GPC5: variants seen among roughly 807,000 people sequenced by gnomAD.
GPC5 encodes the protein glypican-5.
In GPC5, 47 loss-of-function variants were observed where a neutral mutation model predicts 53.9. The ratio of observed to expected loss-of-function variants is 0.87; its 90% CI spans 0.69 to 1.11. The LOEUF (loss-of-function observed/expected upper bound fraction) is 1.11, where lower values mean the gene tolerates loss of function less well. Among genes scored for constraint, GPC5 ranks in the 50% most tolerant of loss-of-function variants. The probability of loss-of-function intolerance (pLI) is 0.00; values close to 1 mark genes in which losing one functional copy is unlikely to be tolerated. For missense variants in GPC5, 748 were observed against 713.1 expected (o/e 1.05, Z -0.56); for synonymous variants, 286 against 263.3 (o/e 1.09, Z -0.84).
At chr13:91,919,122 T>G (rs1294490474) in intron 6 of GPC5, among the ~76,000 whole-genome samples, 1 of 152,162 alleles carries the variant, frequency 6.6e-6, no homozygotes, top group Non-Finnish European at 1.5e-5. Flanking sequence ...GGTGTCATCT[T>G]TAATTCTTCT....
intron 7 of GPC5, among the ~76,000 whole-genome samples, chr13:92,546,591 T>C (rs1214581953): frequency 1.3e-5 from 2 of 152,102 alleles, no homozygotes; most frequent in East Asian, 1.9e-4. Flanking sequence ...GGGCATACTG[T>C]CCAAGGTAAT....
chr13:92,177,698 T>G (rs1311562810), intron 7 of GPC5, among the ~76,000 whole-genome samples: 1 of 152,148 alleles, frequency 6.6e-6, no homozygotes, highest in Non-Finnish European at 1.5e-5. Context: ...CTGATAAATA[T>G]TTTTTGTGGT....
At chr13:92,759,301 G>T (rs529568874) in intron 7 of GPC5, among the ~76,000 whole-genome samples, 64 of 151,758 alleles carry the variant, frequency 4.2e-4, no homozygotes, top group African/African-American at 1.5e-3. Context: ...ATTTTGATAA[G>T]CATGGCATTG....
At chr13:91,550,656 C>A (rs569724889) in intron 2 of GPC5, among the ~76,000 whole-genome samples, 1 of 151,940 alleles carries the variant, frequency 6.6e-6, no homozygotes, top group Non-Finnish European at 1.5e-5. Flanking sequence ...AGTAGCGTGG[C>A]CTTGAATAAA....
chr13:91,959,071 C>T (rs9583971), intron 6 of GPC5, among the ~76,000 whole-genome samples: 2,291 of 130,748 alleles, frequency 0.018, 27 homozygotes, highest in African/African-American at 0.03. Flanking sequence ...CACACACACA[C>T]ACACACACAC....
intron 7 of GPC5, among the ~76,000 whole-genome samples, chr13:92,465,256 T>C (rs1878645596): frequency 6.6e-6 from 1 of 152,084 alleles, no homozygotes; most frequent in Non-Finnish European, 1.5e-5. Flanking sequence ...GCATACAATT[T>C]TTATAGCAAA....
At chr13:92,129,931 T>G (rs2041729566) in intron 6 of GPC5, among the ~76,000 whole-genome samples, 1 of 152,138 alleles carries the variant, frequency 6.6e-6, no homozygotes, top group African/African-American at 2.4e-5. Flanking sequence ...GTCAAAAATT[T>G]TGTAAAATTG....
chr13:92,797,213 T>G (rs1227012252), intron 7 of GPC5, among the ~76,000 whole-genome samples: 1 of 151,954 alleles, frequency 6.6e-6, no homozygotes, highest in Admixed American at 6.6e-5. Flanking sequence ...CTAATAATAA[T>G]GATGAATGTT....
chr13:92,627,810 A>G lies in GPC5; in HGVS notation c.1562-238472A>G, dbSNP rs1401528569. On this transcript the variant is annotated intron_variant, in intron 7 of 7. Coordinates refer to ENST00000377067, the MANE Select transcript of GPC5 (RefSeq NM_004466.6). ...TGAACATACAAATATATGTTCTCCT[A>G]TCTTTCTATCTTAATCAGTATATAT... 3.3e-5 allele frequency among the ~76,000 whole-genome samples: 5 copies of G among 152,158 alleles called. No homozygotes were observed. The East Asian group carries it at 9.7e-4, about 29-fold the overall frequency.
At chr13:92,256,516 A>G (rs2042727303) in intron 7 of GPC5, among the ~76,000 whole-genome samples, 1 of 152,086 alleles carries the variant, frequency 6.6e-6, no homozygotes, top group East Asian at 1.9e-4. Flanking sequence ...AATGAGTTCT[A>G]TCATTTACTT....
chr13:92,189,463 A>G (rs1033713183), intron 7 of GPC5, among the ~76,000 whole-genome samples: 1 of 152,098 alleles, frequency 6.6e-6, no homozygotes, highest in African/African-American at 2.4e-5. Context: ...GTTCAGGCTC[A>G]CTAAAAGACT....
intron 6 of GPC5, among the ~76,000 whole-genome samples, chr13:91,991,174 C>G (rs761139312): frequency 4.6e-5 from 7 of 152,178 alleles, no homozygotes; most frequent in Non-Finnish European, 8.8e-5. Context: ...CTATTTACCT[C>G]ATAGAATCAT....
At chr13:91,834,106 C>A (rs1027107480) in intron 5 of GPC5, among the ~76,000 whole-genome samples, 5 of 152,004 alleles carry the variant, frequency 3.3e-5, no homozygotes, top group Non-Finnish European at 7.4e-5. Flanking sequence ...AAATAACAAA[C>A]ACACAGAGAG....
chr13:92,712,416 G>A lies in GPC5; in HGVS notation c.1562-153866G>A, dbSNP rs182554717. Reference sequence around the variant, plus strand: ...ACCCAGGATGGTGACAAACTTAAATGTCAAAGGTAAAACCATAAGGACAAG... The same window carrying A: ...ACCCAGGATGGTGACAAACTTAAATATCAAAGGTAAAACCATAAGGACAAG... On this transcript the variant is annotated intron_variant, in intron 7 of 7. Coordinates refer to ENST00000377067, the MANE Select transcript of GPC5 (RefSeq NM_004466.6). Among the ~76,000 whole-genome samples, 9 of 151,022 alleles carry A rather than the reference G, an allele frequency of 6.0e-5. No individual in the cohort carries two copies. In the East Asian group the frequency reaches 1.8e-3, roughly 30 times the overall value.
At chr13:92,051,495 C>T (rs1003334275) in intron 6 of GPC5, among the ~76,000 whole-genome samples, 6 of 151,582 alleles carry the variant, frequency 4.0e-5, no homozygotes, top group Non-Finnish European at 5.9e-5. Flanking sequence ...CTACTGCACC[C>T]GGACGAGACT....
chr13:92,549,976 A>G (rs988146731), intron 7 of GPC5, among the ~76,000 whole-genome samples: 6 of 151,614 alleles, frequency 4.0e-5, no homozygotes, highest in Non-Finnish European at 7.4e-5. Context: ...GTAACATATA[A>G]TATTACTGAT....
intron 7 of GPC5, among the ~76,000 whole-genome samples, chr13:92,832,466 A>G (rs543086338): frequency 1.4e-4 from 21 of 152,290 alleles, no homozygotes; most frequent in Admixed American, 3.3e-4. Flanking sequence ...TATTTCTAAT[A>G]TTTTTTAAAA....
chr13:91,922,075 C>A lies in GPC5; in HGVS notation c.1401+14018C>A, dbSNP rs9560888. 2.4e-4 allele frequency among the ~76,000 whole-genome samples: 36 copies of A among 152,062 alleles called. No individual in the cohort carries two copies. In the East Asian group the frequency reaches 5.6e-3, roughly 24 times the overall value. ...TAAAACAGAAAATCAATAAGCATTG[C>A]CAAGAGTTGATAAACCAAAAACAGA... On this transcript the variant is annotated intron_variant, in intron 6 of 7. Coordinates refer to ENST00000377067, the MANE Select transcript of GPC5 (RefSeq NM_004466.6).
At chr13:91,422,672 T>A (rs1462156303) in intron 1 of GPC5, among the ~76,000 whole-genome samples, 4 of 151,614 alleles carry the variant, frequency 2.6e-5, no homozygotes, top group African/African-American at 9.7e-5. Context: ...CTTACAGTGC[T>A]GGAGGCTGGG....
Sources: gnomAD v4.1 joint callset for allele counts (sites outside exome capture counted in the v4.1 genomes callset) on GRCh38, gnomAD v4.1.1 for gene constraint, MANE v1.5 for transcripts, NCBI Gene and HGNC (gene_info 2026-07-23, HGNC 2026-07-21) for gene names.